Variants in DIAPH2 observed in about 807,000 individuals in gnomAD.
DIAPH2 encodes the protein protein diaphanous homolog 2.
In DIAPH2, 35 loss-of-function variants were observed where a neutral mutation model predicts 92.7. The ratio of observed to expected loss-of-function variants is 0.38; its 90% CI spans 0.29 to 0.50. The LOEUF (loss-of-function observed/expected upper bound fraction) is 0.50. Ranked by LOEUF, DIAPH2 falls within the 20% of genes least tolerant of loss-of-function variation. DIAPH2 has a pLI of 0.94. For synonymous variants in DIAPH2, 301 were observed against 280.4 expected (o/e 1.07, Z -0.73); for missense variants, 701 against 819.5 (o/e 0.86, Z 1.77).
chrX:96,935,445 G>A (rs2065650847), intron 10 of DIAPH2, among the ~76,000 whole-genome samples: 1 of 111,111 alleles, frequency 9.0e-6, no homozygotes, highest in South Asian at 3.8e-4. Context: ...ACCATATACA[G>A]TAGGTCCTTG....
chrX:96,961,262 A>C (rs752033561), intron 16 of DIAPH2, among the ~76,000 whole-genome samples: 2 of 110,507 alleles, frequency 1.8e-5, no homozygotes, highest in Non-Finnish European at 3.8e-5. Context: ...GTATGTGTCC[A>C]GTAATTTATC....
intron 26 of DIAPH2, among the ~76,000 whole-genome samples, chrX:97,534,665 A>G (rs1195143807): frequency 9.0e-6 from 1 of 111,580 alleles, no homozygotes; most frequent in African/African-American, 3.3e-5. Context: ...AAAAATTTTA[A>G]CATCCTCATG....
chrX:97,368,206 C>T (rs187100892), intron 24 of DIAPH2, among the ~76,000 whole-genome samples: 192 of 112,042 alleles, frequency 1.7e-3, no homozygotes, highest in African/African-American at 6.1e-3. Context: ...AAATTCAGGT[C>T]CTATTATTTT....
intron 22 of DIAPH2, among the ~76,000 whole-genome samples, chrX:97,232,423 C>T (rs1431622177): frequency 2.7e-5 from 3 of 111,098 alleles, no homozygotes; most frequent in Non-Finnish European, 3.8e-5. Context: ...TTAGTAGCGA[C>T]GGGATTTCAC....
At chrX:97,038,101 C>T (rs1172086686) in intron 17 of DIAPH2, among the ~76,000 whole-genome samples, 1 of 111,488 alleles carries the variant, frequency 9.0e-6, no homozygotes, top group Non-Finnish European at 1.9e-5. Context: ...TAAGTGACAA[C>T]ATGCAGTATT....
chrX:97,060,438 G>A (rs1169035986), intron 17 of DIAPH2, among the ~76,000 whole-genome samples: 1 of 110,778 alleles, frequency 9.0e-6, no homozygotes, highest in Non-Finnish European at 1.9e-5. Context: ...ACATAAGGCA[G>A]ATTTCATTCT....
chrX:96,784,646 C>A (rs1011650492), intron 4 of DIAPH2, among the ~76,000 whole-genome samples: 1 of 112,028 alleles, frequency 8.9e-6, no homozygotes, highest in Admixed American at 9.5e-5. Context: ...TTCCTACTAT[C>A]CCTGCACTAT....
intron 3 of DIAPH2, among the ~76,000 whole-genome samples, chrX:96,747,470 C>A (rs1214362927): frequency 2.7e-5 from 3 of 112,172 alleles, no homozygotes; most frequent in African/African-American, 9.7e-5. Flanking sequence ...TGATGTTTTA[C>A]ACTCTTTTCT....
chrX:96,718,633 C>T (rs181218517), intron 1 of DIAPH2, among the ~76,000 whole-genome samples: 15 of 111,023 alleles, frequency 1.4e-4, no homozygotes, highest in Non-Finnish European at 1.3e-4. Flanking sequence ...GGATTACAGG[C>T]GTGAGCCACT....
chrX:96,962,322 T>C (rs1461809407), intron 16 of DIAPH2, among the ~76,000 whole-genome samples: 13 of 49,641 alleles, frequency 2.6e-4, no homozygotes, highest in East Asian at 5.3e-4. Context: ...CATATATATA[T>C]ACACATATAT....
Position 97,516,746 on chromosome X carries a change from AG to A in DIAPH2, c.3242-82505del, listed in dbSNP as rs2070951922. ...GGTTTTGTTTCTGTTTTTCAGGATA[AG>A]GTCTTGCTCTGTTGTCCAGGCTGGA... On this transcript the variant is annotated intron_variant, in intron 26 of 26. Coordinates refer to ENST00000324765, the MANE Select transcript of DIAPH2 (RefSeq NM_006729.5). 2.7e-5 allele frequency among the ~76,000 whole-genome samples: 3 copies of A among 111,873 alleles called. No individual in the cohort carries two copies. In the South Asian group the frequency reaches 1.1e-3, roughly 42 times the overall value.
intron 10 of DIAPH2, among the ~76,000 whole-genome samples, chrX:96,931,352 T>TA (rs372315332): frequency 1.2e-3 from 136 of 111,903 alleles, no homozygotes; most frequent in African/African-American, 4.3e-3. Context: ...TTGCTGTAAT[T>TA]ATGATAGTGT....
intron 23 of DIAPH2, among the ~76,000 whole-genome samples, chrX:97,289,590 C>T (rs1454296789): frequency 3.6e-5 from 4 of 111,620 alleles, no homozygotes; most frequent in Non-Finnish European, 7.5e-5. Context: ...TGGACACCAT[C>T]CCAGATCAAT....
intron 3 of DIAPH2, among the ~76,000 whole-genome samples, chrX:96,742,765 C>T: frequency 9.1e-6 from 1 of 109,525 alleles, no homozygotes; most frequent in Non-Finnish European, 1.9e-5. Context: ...CTCCCAGGTT[C>T]AAACGATTCT....
intron 19 of DIAPH2, among the ~76,000 whole-genome samples, chrX:97,088,726 A>T (rs2147350670): frequency 8.9e-6 from 1 of 112,271 alleles, no homozygotes; most frequent in East Asian, 2.8e-4. Context: ...CCTTTATTGA[A>T]TAAAAGGTCT....
intron 18 of DIAPH2, 86 bp downstream of exon 18, chrX:97,073,128 C>T: frequency 3.2e-6 from 2 of 623,151 alleles, no homozygotes; most frequent in Non-Finnish European, 4.9e-6. Flanking sequence ...AAGTTGTAAC[C>T]TTTTTAAACA....
At chrX:96,787,153 C>T (rs1186125212) in intron 4 of DIAPH2, among the ~76,000 whole-genome samples, 2 of 111,246 alleles carry the variant, frequency 1.8e-5, no homozygotes, top group African/African-American at 3.3e-5. Flanking sequence ...TTTAGGCAAC[C>T]AGTGTTGTCG....
At chrX:97,227,862 C>A (rs1028312930) in intron 22 of DIAPH2, among the ~76,000 whole-genome samples, 1 of 111,339 alleles carries the variant, frequency 9.0e-6, no homozygotes, top group Non-Finnish European at 1.9e-5. Flanking sequence ...TTTTAAAAAT[C>A]CAAGTTATTT....
intron 22 of DIAPH2, among the ~76,000 whole-genome samples, chrX:97,163,539 T>TC (rs1221299551): frequency 1.8e-5 from 2 of 111,943 alleles, no homozygotes; most frequent in African/African-American, 6.5e-5. Flanking sequence ...CATTGAAGTT[T>TC]CACCTTTATA....
Sources: allele counts gnomAD v4.1 joint callset (sites outside exome capture counted in the v4.1 genomes callset), GRCh38; gene constraint gnomAD v4.1.1; transcripts MANE v1.5; gene names NCBI Gene and HGNC (gene_info 2026-07-23, HGNC 2026-07-21).